KSR2: variants seen among roughly 807,000 people sequenced by gnomAD.
KSR2 encodes kinase suppressor of ras 2.
KSR2 carries 25 observed loss-of-function variants against 107.8 expected under a neutral mutation model. That is an observed-to-expected ratio of 0.23 (90% CI 0.17 to 0.32). KSR2 has a LOEUF of 0.32. KSR2 is among the 10% of genes least tolerant of loss of function. KSR2 has a pLI of 1.00. For synonymous variants in KSR2, 480 were observed against 507.0 expected (o/e 0.95, Z 0.71); for missense variants, 887 against 1,268.9 (o/e 0.70, Z 4.57).
intron 4 of KSR2, among the ~76,000 whole-genome samples, chr12:117,669,656 C>A (rs1884821718): frequency 6.6e-6 from 1 of 151,882 alleles, no homozygotes; most frequent in Non-Finnish European, 1.5e-5. Context: ...TAACTTGAGG[C>A]CAGGAGTTTG....
At chr12:117,805,321 A>G (rs1323533059) in intron 3 of KSR2, among the ~76,000 whole-genome samples, 2 of 152,236 alleles carry the variant, frequency 1.3e-5, no homozygotes, top group African/African-American at 4.8e-5. Flanking sequence ...CAAGACACAC[A>G]GGTGTGGCCT....
chr12:117,923,247 T>C (rs1041251439), intron 1 of KSR2, among the ~76,000 whole-genome samples: 31 of 152,154 alleles, frequency 2.0e-4, no homozygotes, highest in Non-Finnish European at 2.6e-4. Context: ...TATCTATCTA[T>C]AAAATAAGGT....
At chr12:117,827,022 G>C (rs1161995235) in intron 3 of KSR2, among the ~76,000 whole-genome samples, 1 of 132,612 alleles carries the variant, frequency 7.5e-6, no homozygotes, top group Non-Finnish European at 1.5e-5. Context: ...CCGACACAGT[G>C]AGACCCTGTC....
At chr12:117,516,270 C>A (rs1056226703) in intron 14 of KSR2, among the ~76,000 whole-genome samples, 1 of 152,104 alleles carries the variant, frequency 6.6e-6, no homozygotes, top group Non-Finnish European at 1.5e-5. Flanking sequence ...AAGCTTGAGA[C>A]CAGGATATCT....
chr12:117,941,613 CTTTTTTTTTTTTTT>C (rs139487553), intron 1 of KSR2, among the ~76,000 whole-genome samples: 15 of 52,926 alleles, frequency 2.8e-4, no homozygotes, highest in Non-Finnish European at 3.9e-4. Context: ...ACAGGCTTTC[CTTTTTTTTTTTTTT>C]TTTTTTTTTT....
intron 7 of KSR2, among the ~76,000 whole-genome samples, chr12:117,576,883 T>C (rs1298449476): frequency 6.6e-6 from 1 of 152,096 alleles, no homozygotes; most frequent in Non-Finnish European, 1.5e-5. Flanking sequence ...CTCAAACTCC[T>C]GGGCTCAAGT....
chr12:117,606,912 G>T (rs1330956050), intron 5 of KSR2, among the ~76,000 whole-genome samples: 1 of 152,126 alleles, frequency 6.6e-6, no homozygotes, highest in African/African-American at 2.4e-5. Context: ...GGGAGAAAAA[G>T]ATTCCCTGGC....
At chr12:117,791,375 A>AT (rs754262802) in intron 3 of KSR2, among the ~76,000 whole-genome samples, 5 of 152,164 alleles carry the variant, frequency 3.3e-5, no homozygotes, top group Non-Finnish European at 5.9e-5. Flanking sequence ...TCATTCTCTG[A>AT]TATTTTCCAG....
intron 1 of KSR2, among the ~76,000 whole-genome samples, chr12:117,909,532 G>A (rs1894953706): frequency 1.3e-5 from 2 of 152,176 alleles, no homozygotes; most frequent in Non-Finnish European, 2.9e-5. Context: ...TTTAGCTGGT[G>A]CACTGACACG....
intron 9 of KSR2, among the ~76,000 whole-genome samples, chr12:117,546,749 T>C (rs568533468): frequency 6.6e-6 from 1 of 152,352 alleles, no homozygotes; most frequent in African/African-American, 2.4e-5. Flanking sequence ...CAACTTGTTA[T>C]TGAGTCCATC....
At chr12:117,820,640 C>G (rs1484132895) in intron 3 of KSR2, among the ~76,000 whole-genome samples, 2 of 152,070 alleles carry the variant, frequency 1.3e-5, no homozygotes. Flanking sequence ...CCAACACCAC[C>G]CAACATCACC....
intron 9 of KSR2, among the ~76,000 whole-genome samples, chr12:117,550,744 T>C (rs1250799448): frequency 5.3e-5 from 8 of 152,052 alleles, no homozygotes; most frequent in Non-Finnish European, 1.2e-4. Flanking sequence ...AAGTAGAAGA[T>C]GAGGAAACCA....
intron 5 of KSR2, among the ~76,000 whole-genome samples, chr12:117,657,776 A>G (rs1884247932): frequency 6.6e-6 from 1 of 152,202 alleles, no homozygotes; most frequent in African/African-American, 2.4e-5. Context: ...ATGCTCAAAA[A>G]TGTTCGTTGC....
At chr12:117,467,625 A>G (rs1871219907) in intron 19 of KSR2, among the ~76,000 whole-genome samples, 1 of 152,148 alleles carries the variant, frequency 6.6e-6, no homozygotes, top group Non-Finnish European at 1.5e-5. Flanking sequence ...ATGGTCATCT[A>G]GTGTATGGGG....
At chr12:117,525,763 G>C (rs1875099639) in intron 13 of KSR2, among the ~76,000 whole-genome samples, 1 of 152,192 alleles carries the variant, frequency 6.6e-6, no homozygotes, top group South Asian at 2.1e-4. Flanking sequence ...TGCCAACATG[G>C]AGTATCTTTT....
At chr12:117,562,987 T>G (rs1375142027) in intron 7 of KSR2, among the ~76,000 whole-genome samples, 1 of 152,066 alleles carries the variant, frequency 6.6e-6, no homozygotes, top group African/African-American at 2.4e-5. Context: ...AACCCTGAAA[T>G]TACACAGACT....
chr12:117,739,340 G>C (rs1399060794), intron 4 of KSR2, among the ~76,000 whole-genome samples: 1 of 152,178 alleles, frequency 6.6e-6, no homozygotes, highest in Non-Finnish European at 1.5e-5. Context: ...GGGCGACAGA[G>C]CAAGACTCCG....
intron 5 of KSR2, among the ~76,000 whole-genome samples, chr12:117,629,675 C>T (rs994835486): frequency 2.6e-5 from 4 of 152,180 alleles, no homozygotes; most frequent in Non-Finnish European, 5.9e-5. Context: ...ATAAATTACT[C>T]CTATATGTCC....
intron 1 of KSR2, among the ~76,000 whole-genome samples, chr12:117,894,627 G>A (rs1593347882): frequency 1.3e-5 from 2 of 152,100 alleles, no homozygotes; most frequent in South Asian, 2.1e-4. Context: ...TGAATCATGG[G>A]AGCAGACTTC....
Sources: gnomAD v4.1 joint callset for allele counts (sites outside exome capture counted in the v4.1 genomes callset) on GRCh38, gnomAD v4.1.1 for gene constraint, MANE v1.5 for transcripts, NCBI Gene and HGNC (gene_info 2026-07-23, HGNC 2026-07-21) for gene names.